GABRB1: variants seen among roughly 807,000 people sequenced by gnomAD.
The protein encoded by GABRB1 is gamma-aminobutyric acid receptor subunit beta-1.
A neutral mutation model predicts 51.6 loss-of-function variants in GABRB1; 17 were observed. The observed-to-expected ratio is 0.33, with a 90% confidence interval of 0.23 to 0.49. The LOEUF (loss-of-function observed/expected upper bound fraction) is 0.49, where lower values mean the gene tolerates loss of function less well. GABRB1 is among the 20% of genes least tolerant of loss of function. The pLI is 0.99. For synonymous variants in GABRB1, 247 were observed against 218.9 expected (o/e 1.13, Z -1.14); for missense variants, 410 against 600.6 (o/e 0.68, Z 3.32).
At chr4:47,270,300 C>T (rs79100259) in intron 4 of GABRB1, among the ~76,000 whole-genome samples, 2,250 of 152,200 alleles carry the variant, frequency 0.015, 42 homozygotes, top group African/African-American at 0.051. Flanking sequence ...ATAATTCCTG[C>T]CTATTAGTAA....
chr4:47,307,943 A>G (rs1024390608), intron 4 of GABRB1, among the ~76,000 whole-genome samples: 3 of 152,078 alleles, frequency 2.0e-5, no homozygotes, highest in African/African-American at 7.2e-5. Context: ...ACCAGTGAAG[A>G]AAATTAATAA....
At chr4:47,198,843 A>G (rs950554532) in intron 4 of GABRB1, among the ~76,000 whole-genome samples, 1 of 152,220 alleles carries the variant, frequency 6.6e-6, no homozygotes, top group African/African-American at 2.4e-5. Flanking sequence ...ACTTATGATC[A>G]TGGCAGGAGG....
At chr4:47,297,158 G>A (rs934273380) in intron 4 of GABRB1, among the ~76,000 whole-genome samples, 10 of 151,848 alleles carry the variant, frequency 6.6e-5, no homozygotes, top group African/African-American at 1.2e-4. Context: ...GAGAAAGCAG[G>A]AAAGATCCAA....
chr4:47,263,068 A>G (rs1401028629), intron 4 of GABRB1, among the ~76,000 whole-genome samples: 5 of 149,576 alleles, frequency 3.3e-5, no homozygotes, highest in African/African-American at 4.9e-5. Flanking sequence ...GGGGAGGGAT[A>G]GCTTTAGGAG....
intron 4 of GABRB1, among the ~76,000 whole-genome samples, chr4:47,283,945 C>G (rs1216147094): frequency 6.6e-6 from 1 of 151,792 alleles, no homozygotes; most frequent in Non-Finnish European, 1.5e-5. Flanking sequence ...AAAGGCAAGT[C>G]CCGGGGGCCG....
chr4:47,021,466 T>C (rs1338367102), intron 1 of GABRB1, among the ~76,000 whole-genome samples: 1 of 152,152 alleles, frequency 6.6e-6, no homozygotes, highest in Admixed American at 6.6e-5. Context: ...AGAGGAATCA[T>C]GATGAAGCTG....
chr4:47,255,277 T>G (rs1323144126), intron 4 of GABRB1, among the ~76,000 whole-genome samples: 1 of 152,242 alleles, frequency 6.6e-6, no homozygotes, highest in Admixed American at 6.5e-5. Flanking sequence ...ATGTAGTTAT[T>G]CATCATTGTC....
At chr4:47,347,881 T>C (rs1478370226) in intron 5 of GABRB1, among the ~76,000 whole-genome samples, 1 of 152,176 alleles carries the variant, frequency 6.6e-6, no homozygotes, top group Non-Finnish European at 1.5e-5. Context: ...AAATGTGTGA[T>C]GGGCTTATTG....
chr4:47,002,135 A>G (rs1047377781), intron 1 of GABRB1, among the ~76,000 whole-genome samples: 1 of 152,250 alleles, frequency 6.6e-6, no homozygotes, highest in Non-Finnish European at 1.5e-5. Context: ...CATTCTCACT[A>G]TAGAGATTTT....
intron 4 of GABRB1, among the ~76,000 whole-genome samples, chr4:47,295,044 G>A (rs951816114): frequency 3.9e-5 from 6 of 152,148 alleles, no homozygotes; most frequent in Admixed American, 6.5e-5. Flanking sequence ...TGCAGCTGAG[G>A]GTCTTGTCTG....
At chr4:47,056,242 T>A (rs1726595672) in intron 3 of GABRB1, among the ~76,000 whole-genome samples, 1 of 152,204 alleles carries the variant, frequency 6.6e-6, no homozygotes. Context: ...ATATGTCTCA[T>A]TTTTTTCTGG....
chr4:47,274,425 A>G (rs1675445396), intron 4 of GABRB1, among the ~76,000 whole-genome samples: 1 of 152,094 alleles, frequency 6.6e-6, no homozygotes, highest in African/African-American at 2.4e-5. Flanking sequence ...TCTCACAATT[A>G]TTTTAGACCT....
intron 8 of GABRB1, among the ~76,000 whole-genome samples, chr4:47,409,547 C>T (rs1441536271): frequency 6.6e-6 from 1 of 152,196 alleles, no homozygotes; most frequent in Non-Finnish European, 1.5e-5. Context: ...CTCCTCTGCT[C>T]TTCTGCTCAT....
upstream of GABRB1, among the ~76,000 whole-genome samples, chr4:47,026,765 C>A (rs1352954167): frequency 6.6e-6 from 1 of 151,942 alleles, no homozygotes; most frequent in Non-Finnish European, 1.5e-5. Flanking sequence ...ATATGTTAAA[C>A]CCTAAATGCA....
intron 3 of GABRB1, among the ~76,000 whole-genome samples, chr4:47,039,373 A>C (rs1293699435): frequency 6.6e-6 from 1 of 151,248 alleles, no homozygotes; most frequent in Non-Finnish European, 1.5e-5. Context: ...AAAAAAAAAA[A>C]AACCAGGCAA....
chr4:47,390,012 T>C (rs1401906077), intron 5 of GABRB1, among the ~76,000 whole-genome samples: 1 of 152,218 alleles, frequency 6.6e-6, no homozygotes, highest in African/African-American at 2.4e-5. Context: ...TACTGGCTCC[T>C]GTAAGGACCA....
intron 3 of GABRB1, among the ~76,000 whole-genome samples, chr4:47,160,691 C>G (rs1028272384): frequency 3.9e-5 from 6 of 151,982 alleles, no homozygotes; most frequent in African/African-American, 1.4e-4. Context: ...TCAATTACAT[C>G]TATTTGCTCT....
intron 4 of GABRB1, among the ~76,000 whole-genome samples, chr4:47,245,855 C>A (rs1721717612): frequency 6.7e-6 from 1 of 148,704 alleles, no homozygotes; most frequent in Admixed American, 6.7e-5. Context: ...TAAAAAGCTG[C>A]ATAGAAACAT....
chr4:47,062,004 T>C (rs753030119), intron 3 of GABRB1, among the ~76,000 whole-genome samples: 3 of 152,202 alleles, frequency 2.0e-5, no homozygotes, highest in Non-Finnish European at 4.4e-5. Context: ...GTCATATTTA[T>C]CTTCACCTTG....
Sources: gnomAD v4.1 joint callset for allele counts (sites outside exome capture counted in the v4.1 genomes callset) on GRCh38, gnomAD v4.1.1 for gene constraint, MANE v1.5 for transcripts, NCBI Gene and HGNC (gene_info 2026-07-23, HGNC 2026-07-21) for gene names.